The following POF1B variants were observed in gnomAD, a reference collection of about 807,000 sequenced individuals.
POF1B encodes POF1B actin binding protein.
POF1B carries 53 observed loss-of-function variants against 55.3 expected under a neutral mutation model. That is an observed-to-expected ratio of 0.96 (90% CI 0.77 to 1.20). The LOEUF (loss-of-function observed/expected upper bound fraction) is 1.20, where lower values mean the gene tolerates loss of function less well. POF1B is among the 50% of genes most tolerant of loss of function. POF1B has a pLI of 0.00. For missense variants in POF1B, 478 were observed against 420.5 expected (o/e 1.14, Z -1.20); for synonymous variants, 188 against 148.3 (o/e 1.27, Z -1.95).
At chrX:85,347,512 A>G (rs1933296072) in intron 5 of POF1B, among the ~76,000 whole-genome samples, 1 of 111,116 alleles carries the variant, frequency 9.0e-6, no homozygotes, top group African/African-American at 3.3e-5. Flanking sequence ...GCTTCTGGGA[A>G]GAGAAACTGG....
rs929035 is a variant in POF1B, at chrX:85,342,131, A to C, written c.723+3729T>G. On this transcript the variant is annotated intron_variant, in intron 6 of 16. Transcript: ENST00000262753. ...TAATGACAGGAAAATGATCACAGCAAGTTATCCTTAATTTCTTCAGGGAAG... is the reference window on the plus strand; with the variant it reads ...TAATGACAGGAAAATGATCACAGCACGTTATCCTTAATTTCTTCAGGGAAG... Among the ~76,000 whole-genome samples, 936 of 111,281 alleles carry C rather than the reference A, an allele frequency of 8.4e-3. 6 individuals are homozygous for C. Among genetic ancestry groups the C allele is most frequent in the African/African-American group, 0.029 (890 of 30,490 alleles).
chrX:85,281,537 TAGAA>T (rs1262297052), intron 16 of POF1B, among the ~76,000 whole-genome samples: 1 of 109,966 alleles, frequency 9.1e-6, no homozygotes, highest in African/African-American at 3.3e-5. Context: ...TTGGACCACT[TAGAA>T]AGATGCTAAG....
chrX:85,368,310 A>G (rs1258187383), intron 2 of POF1B, among the ~76,000 whole-genome samples: 2 of 111,151 alleles, frequency 1.8e-5, no homozygotes, highest in Non-Finnish European at 3.8e-5. Context: ...AAACCAAGAG[A>G]TAGACATCCC....
rs768849889 is a variant in POF1B, at chrX:85,301,255, A to G, written c.1649+2151T>C. Among the ~76,000 whole-genome samples, 3 of 112,075 alleles carry G rather than the reference A, an allele frequency of 2.7e-5. No individual in the cohort carries two copies. In the South Asian group the frequency reaches 1.1e-3, roughly 41 times the overall value. Reference sequence around the variant, plus strand: ...AAAAAAATAATCTTGAAAGCAGTAAAAAAGAAACATGTCAGGGGGATCCTC... The same window carrying G: ...AAAAAAATAATCTTGAAAGCAGTAAGAAAGAAACATGTCAGGGGGATCCTC... On this transcript the variant is annotated intron_variant, in intron 15 of 16. Coordinates refer to ENST00000262753, the MANE Select transcript of POF1B (RefSeq NM_024921.4).
At chrX:85,322,370 C>G (rs1932847681) in intron 7 of POF1B, among the ~76,000 whole-genome samples, 1 of 110,949 alleles carries the variant, frequency 9.0e-6, no homozygotes, top group African/African-American at 3.3e-5. Flanking sequence ...ATAAATGGTG[C>G]TGGGAAAACT....
At chrX:85,284,709 G>C (rs1258985403) in intron 15 of POF1B, among the ~76,000 whole-genome samples, 1 of 111,625 alleles carries the variant, frequency 9.0e-6, no homozygotes, top group Non-Finnish European at 1.9e-5. Context: ...AACCCTAGAA[G>C]AAAACCTAGG....
intron 5 of POF1B, among the ~76,000 whole-genome samples, chrX:85,347,750 C>T (rs190336017): frequency 2.3e-3 from 256 of 111,244 alleles, no homozygotes; most frequent in African/African-American, 8.0e-3. Context: ...GAATAAGTTC[C>T]TGCTATCATT....
At chrX:85,340,138 T>C (rs1005293304) in intron 6 of POF1B, among the ~76,000 whole-genome samples, 1 of 110,860 alleles carries the variant, frequency 9.0e-6, no homozygotes, top group Admixed American at 9.6e-5. Context: ...AGACTGGTAA[T>C]GAGTTGATTA....
At chrX:85,317,681 G>C (rs188948189) in intron 7 of POF1B, among the ~76,000 whole-genome samples, 1 of 110,106 alleles carries the variant, frequency 9.1e-6, no homozygotes, top group Admixed American at 9.7e-5. Flanking sequence ...AAGATCTAAA[G>C]ACAGAGATAC....
intron 3 of POF1B, among the ~76,000 whole-genome samples, chrX:85,366,171 A>C (rs1485105772): frequency 8.9e-6 from 1 of 111,961 alleles, no homozygotes; most frequent in African/African-American, 3.2e-5. Context: ...TTTGAAAAAT[A>C]ATGCTGATGA....
In POF1B at chrX:85,331,069, T is replaced by C; in HGVS notation, c.734A>G (p.Gln245Arg). The C allele has an allele frequency of 8.3e-7, 1 of 1,204,336 alleles. No homozygotes were observed. Among genetic ancestry groups the C allele is most frequent in the Non-Finnish European group, 1.1e-6 (1 of 891,967 alleles). ...GTCCAATTTTTCAGGGCCATCATCC[T>C]GAATTATCACCTGAAGCAAACATCA... ...SSQICEQVII[Q>R]DDGPEKLDPR... The change falls in exon 7 of 17, where the codon CAG becomes CGG. Residue 245 changes from glutamine to arginine, a missense_variant. Gln to Arg is a conservative substitution (Grantham distance 43). Transcript: ENST00000262753.
At chrX:85,316,126 G>A (rs958929510) in intron 7 of POF1B, among the ~76,000 whole-genome samples, 4 of 110,990 alleles carry the variant, frequency 3.6e-5, no homozygotes, top group Non-Finnish European at 7.6e-5. Flanking sequence ...CTCCTTGTAT[G>A]TTTCAGTGCT....
At position 85,303,453 on chromosome X, in the gene POF1B, A is replaced by T. The variant is rs1932504372; in HGVS notation, c.1602T>A (p.Ser534=). 8.4e-7 allele frequency: 1 copy of T among 1,192,453 alleles called. No individual in the cohort carries two copies. The highest frequency in any genetic ancestry group is 1.8e-5 in the African/African-American group (1 of 56,496). The change falls in exon 15 of 17, where the codon TCT becomes TCA. Residue 534 remains serine (S), a synonymous_variant. Transcript: ENST00000262753. ...TTCCACCAGTGGAGGGTTGGTTATG[A>T]GAGGAATATATTTCTTGCCGCAACT... ...LSKLRQEIYS[S]HNQPSTGGRT...
rs1443063975 is a variant in POF1B, at chrX:85,329,711, A to G, written c.854+1238T>C. On this transcript the variant is annotated intron_variant, in intron 7 of 16. Transcript: ENST00000262753. ...TGGGGTTTTGCTAAGTGGGAAGGGC[A>G]GTTCAATAAGGAGGCAAAGCAGTTG... Among the ~76,000 whole-genome samples, 4 of 106,923 alleles carry G rather than the reference A, an allele frequency of 3.7e-5. No individual in the cohort carries two copies. The Admixed American group carries it at 4.1e-4, about 11-fold the overall frequency. 92.8% of individuals were successfully genotyped at this position (106,923 alleles called of 115,157 possible).
intron 16 of POF1B, among the ~76,000 whole-genome samples, chrX:85,280,794 A>G (rs896643680): frequency 6.3e-5 from 7 of 111,323 alleles, no homozygotes; most frequent in Non-Finnish European, 1.3e-4. Context: ...GTGGCTTACT[A>G]TTAGAATCTC....
At chrX:85,342,258 A>G (rs749393871) in intron 6 of POF1B, among the ~76,000 whole-genome samples, 2 of 111,980 alleles carry the variant, frequency 1.8e-5, no homozygotes, top group African/African-American at 6.4e-5. Flanking sequence ...AAATATTTTA[A>G]AGTCACAGTT....
chrX:85,311,477 G>A (rs949584143), intron 9 of POF1B, among the ~76,000 whole-genome samples: 3 of 110,714 alleles, frequency 2.7e-5, no homozygotes, highest in African/African-American at 6.6e-5. Flanking sequence ...AGTTTGCTGC[G>A]AATGATGGTT....
At chrX:85,323,629 A>C (rs1020657381) in intron 7 of POF1B, among the ~76,000 whole-genome samples, 2 of 110,476 alleles carry the variant, frequency 1.8e-5, no homozygotes, top group Non-Finnish European at 3.8e-5. Flanking sequence ...AATAAAAAAA[A>C]ATGTCTATCT....
At chrX:85,378,578 C>A (rs143453612) in intron 2 of POF1B, among the ~76,000 whole-genome samples, 1,180 of 111,815 alleles carry the variant, frequency 0.011, 12 homozygotes, top group African/African-American at 0.036. Context: ...TATATCAACT[C>A]TTCCAGTACT....
Sources: allele counts gnomAD v4.1 joint callset (sites outside exome capture counted in the v4.1 genomes callset), GRCh38; gene constraint gnomAD v4.1.1; transcripts MANE v1.5; gene names NCBI Gene and HGNC (gene_info 2026-07-23, HGNC 2026-07-21).